The following DPP8 variants were observed in gnomAD, a reference collection of about 807,000 sequenced individuals.
DPP8 encodes dipeptidyl peptidase 8.
DPP8 carries 31 observed loss-of-function variants against 107.5 expected under a neutral mutation model. The observed-to-expected ratio is 0.29, with a 90% CI of 0.22 to 0.39. DPP8 has a LOEUF of 0.39. DPP8 is among the 10% of genes least tolerant of loss of function. The pLI is 1.00. For missense variants in DPP8, 842 were observed against 1,076.1 expected (o/e 0.78, Z 3.04); for synonymous variants, 381 against 356.6 (o/e 1.07, Z -0.77).
rs779547087 is a variant in DPP8 at position 65,512,262 on chromosome 15, A to G, written c.259+33T>C. 5.7e-6 allele frequency: 9 copies of G among 1,571,942 alleles called. No individual in the cohort carries two copies. The East Asian group carries it at 2.0e-4, about 35-fold the overall frequency. On this transcript the variant is annotated intron_variant, in intron 2 of 19. Transcript: ENST00000300141. ...GACTTTAAGTTTGACTTAAGAGATCATTTTCTCTCAGAAACTACAACTTCG... is the reference window on the plus strand; with the variant it reads ...GACTTTAAGTTTGACTTAAGAGATCGTTTTCTCTCAGAAACTACAACTTCG...
At chr15:65,462,995 G>C (rs1473286895) in intron 15 of DPP8, among the ~76,000 whole-genome samples, 2 of 152,170 alleles carry the variant, frequency 1.3e-5, no homozygotes, top group African/African-American at 4.8e-5. Flanking sequence ...TAGTATAGCA[G>C]TTGCCTTAAC....
At chr15:65,468,512 CA>C (rs994927012) in intron 12 of DPP8, among the ~76,000 whole-genome samples, 2 of 150,776 alleles carry the variant, frequency 1.3e-5, no homozygotes, top group Non-Finnish European at 1.5e-5. Flanking sequence ...AAAAAAAATT[CA>C]AATTTTTTAC....
At chr15:65,486,251 A>G (rs1448236388) in intron 7 of DPP8, among the ~76,000 whole-genome samples, 1 of 149,832 alleles carries the variant, frequency 6.7e-6, no homozygotes, top group Non-Finnish European at 1.5e-5. Context: ...AAAATACAAA[A>G]ATTAGCCAGG....
At chr15:65,450,279 A>G (rs2063880946) in intron 19 of DPP8, among the ~76,000 whole-genome samples, 1 of 152,128 alleles carries the variant, frequency 6.6e-6, no homozygotes, top group Non-Finnish European at 1.5e-5. Context: ...ATAGTTTATT[A>G]TTTTAAAATA....
rs1008286794 is a variant in DPP8 at position 65,517,648 on chromosome 15, G to T, written c.-174C>A. Reference sequence around the variant, plus strand: ...GAACGCGGCACTAAGAAGCAGCGGCGGCAGTAGCAGCGGCCTTGGCCTCGG... The same window carrying T: ...GAACGCGGCACTAAGAAGCAGCGGCTGCAGTAGCAGCGGCCTTGGCCTCGG... On this transcript the variant is annotated 5_prime_UTR_variant, in exon 1 of 20. Coordinates refer to ENST00000300141, the MANE Select transcript of DPP8 (RefSeq NM_130434.5). The T allele has an allele frequency of 9.8e-5, 15 of 152,540 alleles. 1 individual carries two copies. Among genetic ancestry groups the T allele is most frequent in the African/African-American group, 1.4e-4 (6 of 41,486 alleles). 9.4% of individuals were successfully genotyped at this position (152,540 alleles called of 1,614,324 possible).
intron 8 of DPP8, among the ~76,000 whole-genome samples, chr15:65,484,362 T>C (rs1024272518): frequency 6.6e-6 from 1 of 150,420 alleles, no homozygotes; most frequent in Non-Finnish European, 1.5e-5. Flanking sequence ...CTGGGGGATA[T>C]GAGGAGGTTG....
intron 1 of DPP8, chr15:65,516,807 T>G (rs2071493642): frequency 6.6e-6 from 1 of 152,156 alleles, no homozygotes; most frequent in Non-Finnish European, 1.5e-5. Context: ...AGTTGAGAGA[T>G]TCAATAGCAC....
intron 4 of DPP8, 68 bp from the exon 5 acceptor site, chr15:65,498,100 A>C: frequency 8.5e-7 from 1 of 1,181,252 alleles, no homozygotes; most frequent in Non-Finnish European, 1.2e-6. Context: ...CACCCTTCCT[A>C]TAAGATGAAC....
chr15:65,460,174 G>A (rs1349973463), intron 15 of DPP8, among the ~76,000 whole-genome samples: 1 of 152,006 alleles, frequency 6.6e-6, no homozygotes, highest in Non-Finnish European at 1.5e-5. Flanking sequence ...AGGCATGGTG[G>A]GTTACGTCTG....
chr15:65,507,262 G>T lies in DPP8; in HGVS notation c.353C>A (p.Pro118His). ...RAAVLMLSWK[P>H]LLDLFQATLD... ...TCCTACCTGAAAAAGATCCAAAAGA[G>T]GCTTCCAAGAGAGCATTAAGACTGC... is the stretch of plus-strand genomic sequence containing the variant. The change falls in exon 3 of 20, where the codon CCT becomes CAT. Residue 118 changes from proline (P) to histidine (H), a missense_variant. Pro to His is a moderately conservative substitution (Grantham distance 77). Coordinates refer to ENST00000300141, the MANE Select transcript of DPP8 (RefSeq NM_130434.5). 6.2e-7 allele frequency: 1 copy of T among 1,602,190 alleles called. No individual in the cohort carries two copies. Among genetic ancestry groups the T allele is most frequent in the Non-Finnish European group, 8.5e-7 (1 of 1,172,924 alleles).
At chr15:65,507,118 A>C (rs1007966544) in intron 3 of DPP8, 125 bp downstream of exon 3, 5 of 507,154 alleles carry the variant, frequency 9.9e-6, no homozygotes, top group African/African-American at 4.0e-5. Flanking sequence ...CATACATGCA[A>C]AAACATAAAA....
intron 14 of DPP8, among the ~76,000 whole-genome samples, chr15:65,466,044 G>A (rs2065319889): frequency 6.6e-6 from 1 of 152,262 alleles, no homozygotes; most frequent in East Asian, 1.9e-4. Context: ...TACTAGTTCA[G>A]AATACTATTC....
intron 3 of DPP8, among the ~76,000 whole-genome samples, chr15:65,503,071 A>G (rs144159652): frequency 1.5e-3 from 224 of 152,324 alleles, no homozygotes; most frequent in African/African-American, 5.2e-3. Context: ...TGCAAGAGAC[A>G]CAGAATACCC....
intron 5 of DPP8, among the ~76,000 whole-genome samples, chr15:65,494,138 G>C (rs897176185): frequency 9.6e-6 from 1 of 104,482 alleles, no homozygotes; most frequent in East Asian, 2.8e-4. Flanking sequence ...AATTCAAACC[G>C]GTTCTATATC....
chr15:65,489,238 C>T (rs969291059), intron 6 of DPP8, among the ~76,000 whole-genome samples: 15 of 151,810 alleles, frequency 9.9e-5, no homozygotes, highest in African/African-American at 3.4e-4. Context: ...AGATTACATG[C>T]GTGAGTCACT....
chr15:65,480,403 T>C lies in DPP8; in HGVS notation c.1119-4A>G, dbSNP rs750608388. Reference sequence around the variant, plus strand: ...ATCTAGTAGGATGGACCAAGCACTATTTAAATAAATAAAAGAGAAGAACCA... The same window carrying C: ...ATCTAGTAGGATGGACCAAGCACTACTTAAATAAATAAAAGAGAAGAACCA... On this transcript the variant is annotated splice_region_variant and splice_polypyrimidine_tract_variant and intron_variant, in intron 9 of 19. Transcript: ENST00000300141. 1 of 1,588,334 alleles carries C rather than the reference T, an allele frequency of 6.3e-7. No homozygotes were observed. Among genetic ancestry groups the C allele is most frequent in the South Asian group, 1.1e-5 (1 of 87,520 alleles).
intron 5 of DPP8, among the ~76,000 whole-genome samples, chr15:65,491,024 G>A: frequency 6.6e-6 from 1 of 151,940 alleles, no homozygotes; most frequent in Non-Finnish European, 1.5e-5. Context: ...CAGGCATGGT[G>A]CCAGGAGCCT....
intron 2 of DPP8, among the ~76,000 whole-genome samples, chr15:65,510,302 AC>A (rs2070599612): frequency 2.0e-5 from 3 of 152,142 alleles, no homozygotes; most frequent in East Asian, 3.9e-4. Context: ...GAAGACTGAG[AC>A]CCCGTCTCAA....
chr15:65,489,686 G>A (rs1411833816), intron 6 of DPP8, among the ~76,000 whole-genome samples: 1 of 150,918 alleles, frequency 6.6e-6, no homozygotes, highest in African/African-American at 2.4e-5. Context: ...CCAAAGTGCT[G>A]GGATTACAGG....
Sources: gnomAD v4.1 joint callset for allele counts (sites outside exome capture counted in the v4.1 genomes callset) on GRCh38, gnomAD v4.1.1 for gene constraint, MANE v1.5 for transcripts, NCBI Gene and HGNC (gene_info 2026-07-23, HGNC 2026-07-21) for gene names.